Variants in POMK observed in about 807,000 individuals in gnomAD.
POMK encodes the protein Sugen kinase 196.
In POMK, 19 loss-of-function variants were observed where a neutral mutation model predicts 23.0. The ratio of observed to expected loss-of-function variants is 0.83; its 90% CI spans 0.58 to 1.21. The LOEUF (loss-of-function observed/expected upper bound fraction) is 1.21, where lower values mean the gene tolerates loss of function less well. Ranked by LOEUF, POMK falls within the 50% of genes most tolerant of loss-of-function variation. The probability of loss-of-function intolerance (pLI) is 0.00; values close to 1 mark genes in which losing one functional copy is unlikely to be tolerated. For synonymous variants in POMK, 173 were observed against 171.6 expected, an observed-to-expected ratio of 1.01 and a Z score of -0.06; for missense variants, 410 against 431.3, an observed-to-expected ratio of 0.95 and a Z score of 0.44.
chr8:43,120,662 T>G (rs1045940972), intron 4 of POMK, among the ~76,000 whole-genome samples: 2 of 151,502 alleles, frequency 1.3e-5, no homozygotes, highest in East Asian at 1.9e-4. Context: ...ACACCCTGCT[T>G]GTTTCTTAAT....
chr8:43,120,914 T>C (rs1242640201), intron 4 of POMK, among the ~76,000 whole-genome samples: 1 of 152,160 alleles, frequency 6.6e-6, no homozygotes, highest in East Asian at 1.9e-4. Context: ...TGACCTCAGG[T>C]GATCCACCCG....
At chr8:43,113,176 A>G (rs1483622201) in intron 4 of POMK, among the ~76,000 whole-genome samples, 1 of 152,180 alleles carries the variant, frequency 6.6e-6, no homozygotes, top group South Asian at 2.1e-4. Context: ...AGATTGTGGA[A>G]GTTCTCCTGG....
chr8:43,120,023 A>G (rs1264487272), intron 4 of POMK, among the ~76,000 whole-genome samples: 1 of 150,900 alleles, frequency 6.6e-6, no homozygotes, highest in Non-Finnish European at 1.5e-5. Context: ...AAAGTAATAT[A>G]TGTTCATCTT....
At position 43,122,473 on chromosome 8, in the gene POMK, C is replaced by G; in HGVS notation, c.649C>G (p.Leu217Val). 6.2e-7 allele frequency: 1 copy of G among 1,614,186 alleles called. No homozygotes were observed. Among genetic ancestry groups the G allele is most frequent in the South Asian group, 1.1e-5 (1 of 91,082 alleles). Residue 217 changes from leucine to valine, a missense_variant, in exon 5 of 5, where the codon CTA (leucine) becomes GTA (valine). Transcript: ENST00000331373. The part of the protein sequence containing the change: ...DLPKTLSQYL[L>V]TSNFSILAND... ...GCCGAAGACACTGTCCCAGTATCTG[C>G]TAACAAGCAACTTCAGCATTTTGGC... is the stretch of plus-strand genomic sequence containing the variant.
At position 43,114,337 on chromosome 8, in the gene POMK, G is replaced by A. The variant is rs186415069; in HGVS notation, c.283-7770G>A. Among the ~76,000 whole-genome samples the A allele has an allele frequency of 4.4e-3, 669 of 152,328 alleles. 6 individuals are homozygous for A. The highest frequency in any genetic ancestry group is 0.016 in the African/African-American group (650 of 41,554). ...TGGCGGGCACCCCTCCCCCAGGCTC[G>A]CTGCGGCCTTGCAGTTTGATCTCAG... On this transcript the variant is annotated intron_variant, in intron 4 of 4. Coordinates refer to ENST00000331373, the MANE Select transcript of POMK (RefSeq NM_032237.5).
rs760306023 is a variant in POMK, at chr8:43,103,667, A to G, written c.119A>G (p.His40Arg). 1 of 1,613,912 alleles carries G rather than the reference A, an allele frequency of 6.2e-7. No individual in the cohort carries two copies. ...MNTLLYLCLD[H>R]FFIAPRQSTV... is the part of the protein sequence containing the mutation. Reference sequence around the variant, plus strand: ...ACTCTGCTCTACCTCTGCCTCGACCACTTCTTCATCGCTCCTCGACAATCC... The same window carrying G: ...ACTCTGCTCTACCTCTGCCTCGACCGCTTCTTCATCGCTCCTCGACAATCC... The change falls in exon 4 of 5, where the codon CAC becomes CGC. Residue 40 changes from histidine (H) to arginine (R), a missense_variant. Transcript: ENST00000331373.
chr8:43,101,832 T>C (rs1335508528), intron 2 of POMK, among the ~76,000 whole-genome samples: 2 of 152,212 alleles, frequency 1.3e-5, no homozygotes, highest in Admixed American at 1.3e-4. Context: ...TTTGACACTT[T>C]ATGGCTGCAG....
chr8:43,117,168 G>A (rs887755453), intron 4 of POMK, among the ~76,000 whole-genome samples: 8 of 152,152 alleles, frequency 5.3e-5, no homozygotes, highest in African/African-American at 1.9e-4. Context: ...TTCTTTTGTG[G>A]TGGAATGTCA....
chr8:43,120,446 C>T (rs1811889727), intron 4 of POMK, among the ~76,000 whole-genome samples: 1 of 151,830 alleles, frequency 6.6e-6, no homozygotes, highest in African/African-American at 2.4e-5. Flanking sequence ...GTCTCCAACT[C>T]CTGACCTCAG....
chr8:43,110,217 C>G (rs1811622166), intron 4 of POMK, among the ~76,000 whole-genome samples: 1 of 152,086 alleles, frequency 6.6e-6, no homozygotes, highest in Non-Finnish European at 1.5e-5. Flanking sequence ...GTCTCAAGTG[C>G]ATATTACACT....
intron 2 of POMK, among the ~76,000 whole-genome samples, chr8:43,102,004 C>G (rs995271064): frequency 6.6e-6 from 1 of 152,172 alleles, no homozygotes; most frequent in Admixed American, 6.5e-5. Flanking sequence ...GGCCTCTAGT[C>G]ACAGTGTGAA....
rs1018638122 is a variant in POMK, at chr8:43,122,512, G to T, written c.688G>T (p.Ala230Ser). Residue 230 changes from alanine to serine, a missense_variant, in exon 5 of 5, where the codon GCC (alanine) becomes TCC (serine). Physicochemically the swap from Ala to Ser is moderately conservative, Grantham distance 99. Coordinates refer to ENST00000331373, the MANE Select transcript of POMK (RefSeq NM_032237.5). ...CAGCATTTTGGCAAATGACTTGGAC[G>T]CCTTACCCCTGGTGAACCACAGCTC... Reference protein sequence around the residue: ...NFSILANDLDALPLVNHSSGM... With the variant: ...NFSILANDLDSLPLVNHSSGM... The T allele has an allele frequency of 6.2e-7, 1 of 1,614,004 alleles. No individual in the cohort carries two copies. Among genetic ancestry groups the T allele is most frequent in the Non-Finnish European group, 8.5e-7 (1 of 1,180,026 alleles).
intron 4 of POMK, among the ~76,000 whole-genome samples, chr8:43,114,710 G>C (rs540290501): frequency 1.1e-4 from 17 of 152,156 alleles, no homozygotes; most frequent in African/African-American, 4.1e-4. Context: ...CGTCGCTCAC[G>C]CTGGGAGCTG....
intron 4 of POMK, among the ~76,000 whole-genome samples, chr8:43,110,777 T>G (rs189254469): frequency 1.3e-5 from 2 of 152,076 alleles, no homozygotes; most frequent in African/African-American, 4.8e-5. Flanking sequence ...AGCCGGGCGT[T>G]GTGCTGGGTG....
Position 43,122,417 on chromosome 8 carries a change from G to A in POMK, c.593G>A (p.Gly198Asp). ...IINYLHHSPV[G>D]TRVMCDSNDL... ...AATTACCTGCACCACAGCCCTGTGG[G>A]CACACGGGTCATGTGCGACTCCAAC... is the stretch of plus-strand genomic sequence containing the variant. Residue 198 changes from glycine to aspartate, a missense_variant, in exon 5 of 5, where the codon GGC (glycine) becomes GAC (aspartate). Coordinates refer to ENST00000331373, the MANE Select transcript of POMK (RefSeq NM_032237.5). 1 of 1,614,142 alleles carries A rather than the reference G, an allele frequency of 6.2e-7. No homozygotes were observed. The highest frequency in any genetic ancestry group is 8.5e-7 in the Non-Finnish European group (1 of 1,180,010).
intron 4 of POMK, among the ~76,000 whole-genome samples, chr8:43,105,537 A>G (rs1304878245): frequency 1.3e-5 from 2 of 152,142 alleles, no homozygotes; most frequent in African/African-American, 4.8e-5. Flanking sequence ...GCTGAATAGT[A>G]TTCTATTTTG....
intron 2 of POMK, among the ~76,000 whole-genome samples, 164 bp downstream of exon 2, chr8:43,097,779 G>C (rs555821896): frequency 2.6e-5 from 4 of 152,324 alleles, no homozygotes; most frequent in South Asian, 2.1e-4. Context: ...CACACACCTG[G>C]TCTGTAACTT....
intron 2 of POMK, among the ~76,000 whole-genome samples, chr8:43,098,169 A>G (rs1056501376): frequency 1.3e-5 from 2 of 152,232 alleles, no homozygotes; most frequent in Non-Finnish European, 2.9e-5. Context: ...TTTAAAGTGT[A>G]CAATTCAGTG....
chr8:43,113,058 T>A (rs534395762), intron 4 of POMK, among the ~76,000 whole-genome samples: 92 of 152,294 alleles, frequency 6.0e-4, no homozygotes, highest in Non-Finnish European at 1.1e-3. Flanking sequence ...AATACACACA[T>A]AACAATTGGT....
Sources: gnomAD v4.1 joint callset for allele counts (sites outside exome capture counted in the v4.1 genomes callset) on GRCh38, gnomAD v4.1.1 for gene constraint, MANE v1.5 for transcripts, NCBI Gene and HGNC (gene_info 2026-07-23, HGNC 2026-07-21) for gene names.